PTPRA: variants seen among roughly 807,000 people sequenced by gnomAD.
PTPRA encodes protein tyrosine phosphatase receptor type A, also known as receptor-type tyrosine-protein phosphatase alpha.
PTPRA carries 25 observed loss-of-function variants against 104.8 expected under a neutral mutation model. The observed-to-expected ratio is 0.24, with a 90% CI of 0.17 to 0.33. The LOEUF is 0.33. PTPRA is among the 10% of genes least tolerant of loss of function. PTPRA has a pLI of 1.00. For synonymous variants in PTPRA, 323 were observed against 368.9 expected (o/e 0.88, Z 1.43); for missense variants, 765 against 1,015.3 (o/e 0.75, Z 3.35).
intron 6 of PTPRA, among the ~76,000 whole-genome samples, chr20:2,982,898 C>A (rs532108736): frequency 1.3e-5 from 2 of 152,082 alleles, no homozygotes; most frequent in African/African-American, 2.4e-5. Flanking sequence ...TGGGGTTTCA[C>A]CATGTTGGCC....
rs1171397099 is a variant in PTPRA at position 2,964,883 on chromosome 20, A to C, written c.96A>C (p.Thr32=). ...ATTVAPSVGI[T]RLINSSTAEP... is the part of the protein sequence containing the mutation. ...TAGTTGCACCTTCTGTAGGAATTAC[A>C]AGATTAATTAACTCATCAACGGCAG... Residue 32 remains threonine, a synonymous_variant, in exon 5 of 24, where the codon ACA becomes ACC. Coordinates refer to ENST00000399903, the MANE Select transcript of PTPRA (RefSeq NM_001385305.1). 9 of 1,613,610 alleles carry C rather than the reference A, an allele frequency of 5.6e-6. No individual in the cohort carries two copies. The highest frequency in any genetic ancestry group is 6.8e-6 in the Non-Finnish European group (8 of 1,179,622).
chr20:3,022,708 G>A lies in PTPRA; in HGVS notation c.1348G>A (p.Gly450Ser). The A allele has an allele frequency of 6.2e-7, 1 of 1,614,206 alleles. No individual in the cohort carries two copies. Among genetic ancestry groups the A allele is most frequent in the Non-Finnish European group, 8.5e-7 (1 of 1,180,044 alleles). Residue 450 changes from glycine to serine, a missense_variant, in exon 16 of 24, where the codon GGT (glycine) becomes AGT (serine). Gly to Ser is a moderately conservative substitution (Grantham distance 56). This residue lies in a region of PTPRA where 245 missense variants were observed against 398.7 expected (regional missense o/e 0.61). Coordinates refer to ENST00000399903, the MANE Select transcript of PTPRA (RefSeq NM_001385305.1). This position sits in a 1 kb window ranked among gnomAD's most constrained non-coding sequence, Gnocchi z 4.6. The part of the protein sequence containing the change: ...VHCSAGVGRT[G>S]TFVVIDAMLD... ...CTACAGTGCAGGTGTAGGGCGTACA[G>A]GTACCTTTGTCGTCATTGATGCCAT...
intron 2 of PTPRA, among the ~76,000 whole-genome samples, chr20:2,941,021 T>G (rs13041297): frequency 0.29 from 43,832 of 151,360 alleles, 6,826 homozygotes; most frequent in East Asian, 0.43. Context: ...GGTTTTTTTT[T>G]GGGGGTTTTT....
chr20:2,940,039 G>A (rs1286564558), intron 2 of PTPRA, among the ~76,000 whole-genome samples: 2 of 152,254 alleles, frequency 1.3e-5, no homozygotes, highest in African/African-American at 4.8e-5. Context: ...GAACCCAGGA[G>A]GTGGAGGTTG....
intron 9 of PTPRA, among the ~76,000 whole-genome samples, chr20:2,990,826 G>A (rs528247547): frequency 1.3e-5 from 2 of 152,258 alleles, no homozygotes; most frequent in South Asian, 4.1e-4. Context: ...TTGGGTCAGT[G>A]GGTCACCATT....
intron 1 of PTPRA, among the ~76,000 whole-genome samples, chr20:2,891,653 A>G (rs1218725519): frequency 1.3e-5 from 2 of 152,314 alleles, no homozygotes; most frequent in Middle Eastern, 3.4e-3. Flanking sequence ...TGGCATGTGT[A>G]GATTAAACAT....
At chr20:3,023,411 G>A (rs865983118) in intron 16 of PTPRA, among the ~76,000 whole-genome samples, 1 of 152,152 alleles carries the variant, frequency 6.6e-6, no homozygotes, top group Non-Finnish European at 1.5e-5. Flanking sequence ...TCTCCTGCTC[G>A]TCCCTGGGAA....
At chr20:2,961,694 A>T (rs1321193162) in intron 3 of PTPRA, among the ~76,000 whole-genome samples, 3 of 152,208 alleles carry the variant, frequency 2.0e-5, no homozygotes, top group Non-Finnish European at 4.4e-5. Flanking sequence ...CGCCATACCC[A>T]AAGTCATCTA....
At chr20:2,891,986 C>G (rs1389957676) in intron 1 of PTPRA, among the ~76,000 whole-genome samples, 1 of 151,774 alleles carries the variant, frequency 6.6e-6, no homozygotes, top group Non-Finnish European at 1.5e-5. Flanking sequence ...ATGTGCAACC[C>G]ACAGATAGAG....
chr20:3,010,404 G>A (rs1052008620), intron 11 of PTPRA, among the ~76,000 whole-genome samples: 10 of 151,576 alleles, frequency 6.6e-5, no homozygotes, highest in African/African-American at 1.7e-4. Flanking sequence ...CGAGGCGGGC[G>A]GATCACAAGG....
chr20:2,957,034 C>T (rs2061561429), intron 3 of PTPRA, among the ~76,000 whole-genome samples: 4 of 152,112 alleles, frequency 2.6e-5, no homozygotes, highest in Admixed American at 2.6e-4. Context: ...GCCTGTAATC[C>T]CAGCACTTTG....
At chr20:2,947,914 G>A (rs534974216) in intron 2 of PTPRA, 68 bp from the exon 3 acceptor site, 6 of 639,250 alleles carry the variant, frequency 9.4e-6, no homozygotes, top group African/African-American at 1.9e-5. Flanking sequence ...CTGTCAATAG[G>A]AGGTTGATGA....
chr20:2,864,779 G>C, the PTPRA span: 2 of 1,195,326 alleles, frequency 1.7e-6, no homozygotes, highest in Non-Finnish European at 1.2e-6. The surrounding 1 kb of genome is among the most constrained non-coding windows in gnomAD (Gnocchi z 5.2). Context: ...CTGTGAGGGA[G>C]ACTCTGACGT....
At chr20:2,882,541 C>T (rs2090119868) in intron 1 of PTPRA, among the ~76,000 whole-genome samples, 1 of 152,052 alleles carries the variant, frequency 6.6e-6, no homozygotes, top group Non-Finnish European at 1.5e-5. Flanking sequence ...ATCCACCTGC[C>T]AAAAGACCTT....
chr20:2,903,085 C>T (rs1050319215), intron 1 of PTPRA, among the ~76,000 whole-genome samples: 1 of 152,160 alleles, frequency 6.6e-6, no homozygotes, highest in African/African-American at 2.4e-5. Flanking sequence ...GCTCCAAAAT[C>T]TGAAACTTTT....
chr20:2,922,486 C>T (rs919730512), intron 1 of PTPRA, among the ~76,000 whole-genome samples: 2 of 151,996 alleles, frequency 1.3e-5, no homozygotes, highest in African/African-American at 4.8e-5. Flanking sequence ...ATTACAGACA[C>T]CCACCACCGT....
At chr20:2,922,753 G>A (rs2060143959) in intron 1 of PTPRA, among the ~76,000 whole-genome samples, 2 of 151,560 alleles carry the variant, frequency 1.3e-5, no homozygotes, top group African/African-American at 4.9e-5. Flanking sequence ...TTCTACCTCA[G>A]CCTCCTGAAC....
chr20:3,022,670 C>T lies in PTPRA; in HGVS notation c.1329-19C>T. Reference sequence around the variant, plus strand: ...AGGCAGGCTGGCCATCCCTATAACCCCCTGCTCTCTGGCTACAGTGCAGGT... The same window carrying T: ...AGGCAGGCTGGCCATCCCTATAACCTCCTGCTCTCTGGCTACAGTGCAGGT... On this transcript the variant is annotated intron_variant, in intron 15 of 23. Transcript: ENST00000399903. This position sits in a 1 kb window ranked among gnomAD's most constrained non-coding sequence, Gnocchi z 4.6. The T allele has an allele frequency of 6.2e-7, 1 of 1,613,986 alleles. No individual in the cohort carries two copies. The highest frequency in any genetic ancestry group is 8.5e-7 in the Non-Finnish European group (1 of 1,179,954).
In PTPRA at chr20:2,986,982, G is replaced by C. The variant is rs544138391; in HGVS notation, c.527+133G>C. On this transcript the variant is annotated intron_variant, in intron 7 of 23. Coordinates refer to ENST00000399903, the MANE Select transcript of PTPRA (RefSeq NM_001385305.1). ...TAGAGGGGGAATGACCCATGATAGT[G>C]CTAAAATTGAAGTTCTACTTAGAAA... 23 of 799,510 alleles carry C rather than the reference G, an allele frequency of 2.9e-5. No individual in the cohort carries two copies. In the African/African-American group the frequency reaches 3.8e-4, roughly 13 times the overall value. 49.5% of individuals were successfully genotyped at this position (799,510 alleles called of 1,614,324 possible).
Sources: gnomAD v4.1 joint callset for allele counts (sites outside exome capture counted in the v4.1 genomes callset) on GRCh38, gnomAD v4.1.1 for gene constraint, gnomAD v4.1.1 regional missense constraint, Gnocchi (gnomAD v3.1) non-coding constraint, MANE v1.5 for transcripts, NCBI Gene and HGNC (gene_info 2026-07-23, HGNC 2026-07-21) for gene names.